CNTNAP2: variants seen among roughly 807,000 people sequenced by gnomAD.
CNTNAP2 encodes the protein contactin associated protein 2, also known as contactin-associated protein-like 2.
In CNTNAP2, 98 loss-of-function variants were observed where a neutral mutation model predicts 155.2. The observed-to-expected ratio is 0.63, with a 90% CI of 0.54 to 0.75. The LOEUF (loss-of-function observed/expected upper bound fraction) is 0.75, where lower values mean the gene tolerates loss of function less well. CNTNAP2 is among the 30% of genes least tolerant of loss of function. The pLI is 0.00. For synonymous variants in CNTNAP2, 651 were observed against 631.2 expected, an observed-to-expected ratio of 1.03 and a Z score of -0.47; for missense variants, 1,727 against 1,688.1, an observed-to-expected ratio of 1.02 and a Z score of -0.40.
chr7:146,213,504 T>A (rs1233832260), intron 1 of CNTNAP2, among the ~76,000 whole-genome samples: 1 of 152,248 alleles, frequency 6.6e-6, no homozygotes, highest in African/African-American at 2.4e-5. Flanking sequence ...TTAACTACTT[T>A]AACAGAATAT....
At chr7:147,040,522 G>T (rs369956827) in intron 3 of CNTNAP2, among the ~76,000 whole-genome samples, 249 of 142,530 alleles carry the variant, frequency 1.7e-3, no homozygotes, top group African/African-American at 6.4e-3. Context: ...GTACAGTGGC[G>T]TGATTTCAAC....
intron 1 of CNTNAP2, among the ~76,000 whole-genome samples, chr7:146,172,032 A>ATTTTTTTTTTTTTTT (rs61619996): frequency 1.5e-5 from 1 of 67,612 alleles, no homozygotes; most frequent in African/African-American, 4.9e-5. Flanking sequence ...TGCTCTTAGT[A>ATTTTTTTTTTTTTTT]TTTTTTTTTT....
At chr7:147,264,562 C>G (rs1434529648) in intron 8 of CNTNAP2, among the ~76,000 whole-genome samples, 3 of 150,758 alleles carry the variant, frequency 2.0e-5, no homozygotes, top group Non-Finnish European at 4.4e-5. Context: ...TAGGGCATAT[C>G]AAACCCTCTG....
At chr7:146,185,117 A>G (rs1046708802) in intron 1 of CNTNAP2, among the ~76,000 whole-genome samples, 3 of 152,194 alleles carry the variant, frequency 2.0e-5, no homozygotes, top group African/African-American at 7.2e-5. Flanking sequence ...ATCCATAAAC[A>G]TTCTATAAAC....
At chr7:148,194,834 T>C (rs1470739751) in intron 18 of CNTNAP2, among the ~76,000 whole-genome samples, 1 of 152,182 alleles carries the variant, frequency 6.6e-6, no homozygotes, top group Non-Finnish European at 1.5e-5. Context: ...CCCACCCTTA[T>C]TGGTGAGGGC....
At chr7:147,482,849 C>A (rs1445644382) in intron 10 of CNTNAP2, among the ~76,000 whole-genome samples, 2 of 152,008 alleles carry the variant, frequency 1.3e-5, no homozygotes, top group East Asian at 3.9e-4. Flanking sequence ...AGTTCGGCAC[C>A]AGCCTGACCA....
At chr7:146,901,884 T>A (rs1158930317) in intron 3 of CNTNAP2, among the ~76,000 whole-genome samples, 2 of 141,958 alleles carry the variant, frequency 1.4e-5, no homozygotes, top group East Asian at 2.0e-4. Context: ...TTTTTTTTTT[T>A]TTTTTTTTTG....
chr7:147,783,111 C>T (rs1797683074), intron 13 of CNTNAP2, among the ~76,000 whole-genome samples: 2 of 152,112 alleles, frequency 1.3e-5, no homozygotes, highest in African/African-American at 4.8e-5. Context: ...TTCACTTAAA[C>T]AATCCCTAGT....
chr7:146,604,905 C>T (rs1470059116), intron 1 of CNTNAP2, among the ~76,000 whole-genome samples: 1 of 124,802 alleles, frequency 8.0e-6, no homozygotes, highest in African/African-American at 3.0e-5. Context: ...AGGGGACTAT[C>T]ACACTCTGGG....
At chr7:147,940,981 A>G (rs1353702095) in intron 14 of CNTNAP2, among the ~76,000 whole-genome samples, 1 of 152,252 alleles carries the variant, frequency 6.6e-6, no homozygotes, top group African/African-American at 2.4e-5. Flanking sequence ...CTGTTGTCAA[A>G]GAGTAATTTA....
At chr7:146,357,855 C>G (rs990251984) in intron 1 of CNTNAP2, among the ~76,000 whole-genome samples, 1 of 151,628 alleles carries the variant, frequency 6.6e-6, no homozygotes, top group African/African-American at 2.4e-5. Context: ...ACAATCATCT[C>G]CAGGTAAAAG....
chr7:147,407,009 A>G (rs1165312086), intron 10 of CNTNAP2, among the ~76,000 whole-genome samples: 1 of 152,198 alleles, frequency 6.6e-6, no homozygotes, highest in African/African-American at 2.4e-5. Flanking sequence ...ATAGTCCCAG[A>G]CAGGCTTCAT....
Position 147,977,860 on chromosome 7 carries a change from A to G in CNTNAP2, c.2256-2A>G. The G allele has an allele frequency of 6.2e-7, 1 of 1,614,098 alleles. No homozygotes were observed. Among genetic ancestry groups the G allele is most frequent in the Non-Finnish European group, 8.5e-7 (1 of 1,179,994 alleles). On this transcript the variant is annotated splice_acceptor_variant, in intron 14 of 23. Transcript: ENST00000361727. LOFTEE classifies it high-confidence loss of function. ...CTTTTTCTGTCTTTCCCTGTGATCC[A>G]GGAGGAAGGATGCTGGTTTCTTATC...
At chr7:146,539,343 A>G (rs1274029712) in intron 1 of CNTNAP2, among the ~76,000 whole-genome samples, 1 of 152,012 alleles carries the variant, frequency 6.6e-6, no homozygotes, top group Non-Finnish European at 1.5e-5. Context: ...ATTTGCAAGC[A>G]TTTTAGCCTC....
chr7:147,174,763 G>A (rs1802301855), intron 8 of CNTNAP2, among the ~76,000 whole-genome samples: 1 of 152,038 alleles, frequency 6.6e-6, no homozygotes, highest in South Asian at 2.1e-4. Flanking sequence ...GAGAGAATAT[G>A]ATAATTAATA....
intron 1 of CNTNAP2, among the ~76,000 whole-genome samples, chr7:146,641,100 G>A (rs1021967823): frequency 1.3e-5 from 2 of 152,178 alleles, no homozygotes; most frequent in African/African-American, 4.8e-5. Context: ...GCTGAGGTGG[G>A]CGGATCACAA....
intron 22 of CNTNAP2, 31 bp from the exon 23 acceptor site, chr7:148,409,360 C>T (rs2116714356): frequency 6.6e-7 from 1 of 1,504,360 alleles, no homozygotes; most frequent in East Asian, 2.3e-5. Flanking sequence ...GTATACTTGA[C>T]TCTGACACTT....
At chr7:147,138,051 C>T (rs766197880) in intron 8 of CNTNAP2, among the ~76,000 whole-genome samples, 3 of 151,736 alleles carry the variant, frequency 2.0e-5, no homozygotes, top group Admixed American at 6.6e-5. Context: ...TCTACATACA[C>T]CATACTTTTA....
At chr7:146,767,717 C>T (rs1802222059) in intron 1 of CNTNAP2, among the ~76,000 whole-genome samples, 1 of 151,906 alleles carries the variant, frequency 6.6e-6, no homozygotes, top group African/African-American at 2.4e-5. Context: ...AAGGAGCATA[C>T]ATTTTTATAG....
Sources: gnomAD v4.1 joint callset for allele counts (sites outside exome capture counted in the v4.1 genomes callset) on GRCh38, gnomAD v4.1.1 for gene constraint, MANE v1.5 for transcripts, NCBI Gene and HGNC (gene_info 2026-07-23, HGNC 2026-07-21) for gene names.